The following TTC34 variants were observed in gnomAD, a reference collection of about 807,000 sequenced individuals.
TTC34 encodes tetratricopeptide repeat protein 34.
TTC34 carries 44 observed loss-of-function variants against 40.7 expected under a neutral mutation model. The ratio of observed to expected loss-of-function variants is 1.08; its 90% CI spans 0.85 to 1.39. The LOEUF (loss-of-function observed/expected upper bound fraction) is 1.39. Among genes scored for constraint, TTC34 ranks in the 40% most tolerant of loss-of-function variants. TTC34 has a pLI of 0.00. For synonymous variants in TTC34, 422 were observed against 398.6 expected (o/e 1.06, Z -0.70); for missense variants, 884 against 838.0 (o/e 1.05, Z -0.68).
intron 6 of TTC34, among the ~76,000 whole-genome samples, chr1:2,689,766 GAAACCC>G: frequency 2.7e-5 from 1 of 37,422 alleles, no homozygotes; most frequent in Non-Finnish European, 5.3e-5. Context: ...GCCTGGAACA[GAAACCC>G]CACCCTCAGG....
At chr1:2,676,943 T>G (rs1639925672) in intron 6 of TTC34, among the ~76,000 whole-genome samples, 13 of 148,806 alleles carry the variant, frequency 8.7e-5, no homozygotes, top group Admixed American at 8.6e-4. Context: ...GGTGAGCATC[T>G]GACAGCATGG....
At chr1:2,688,372 C>A (rs1241472380) in intron 6 of TTC34, among the ~76,000 whole-genome samples, 4 of 147,134 alleles carry the variant, frequency 2.7e-5, no homozygotes, top group South Asian at 2.2e-4. Flanking sequence ...ACCCACACGC[C>A]CAGGTGAGCA....
In TTC34 at chr1:2,788,501, C is replaced by G. The variant is rs543493038; in HGVS notation, c.1629-795G>C. 7.2e-5 allele frequency among the ~76,000 whole-genome samples: 11 copies of G among 152,242 alleles called. No individual in the cohort carries two copies. The South Asian group carries it at 1.9e-3, about 26-fold the overall frequency. On this transcript the variant is annotated intron_variant, in intron 3 of 8. Coordinates refer to ENST00000401095, the Ensembl canonical transcript of TTC34. ...CCCTCCAAGAACCGCCCCCACCCCC[C>G]GGACTCAGTGCTTTTAACTTTGCTG...
intron 6 of TTC34, among the ~76,000 whole-genome samples, chr1:2,767,496 T>C (rs1176169165): frequency 2.0e-5 from 3 of 146,474 alleles, no homozygotes; most frequent in Non-Finnish European, 3.0e-5. Context: ...CAGGTGAGGA[T>C]CTGACAGCCT....
chr1:2,800,333 G>A (rs980891934), exon 2 of TTC34: 6 of 398,476 alleles, frequency 1.5e-5, no homozygotes, highest in South Asian at 1.3e-4. Flanking sequence ...CGCTGGAGGC[G>A]AAGGCCTGGA....
chr1:2,655,962 G>T (rs1570762556), intron 6 of TTC34, among the ~76,000 whole-genome samples: 1 of 146,986 alleles, frequency 6.8e-6, no homozygotes, highest in Non-Finnish European at 1.5e-5. Flanking sequence ...ACAACCAGGA[G>T]CAGCACCCAC....
intron 6 of TTC34, among the ~76,000 whole-genome samples, chr1:2,684,911 C>A (rs1476554545): frequency 1.5e-5 from 2 of 130,342 alleles, no homozygotes; most frequent in Non-Finnish European, 3.2e-5. Flanking sequence ...GGAACAGCAC[C>A]CTGCACACCC....
intron 6 of TTC34, among the ~76,000 whole-genome samples, chr1:2,676,928 C>A (rs1639924928): frequency 2.1e-5 from 3 of 145,432 alleles, no homozygotes; most frequent in Admixed American, 6.8e-5. Context: ...GCACCCACAC[C>A]CCCAGGTGAG....
intron 6 of TTC34, among the ~76,000 whole-genome samples, chr1:2,694,947 C>G (rs1391517434): frequency 2.7e-5 from 4 of 149,124 alleles, no homozygotes; most frequent in Non-Finnish European, 6.0e-5. Context: ...GAGCAGCACC[C>G]ACACCCCCAG....
chr1:2,777,558 C>T (rs1189258634), intron 6 of TTC34, among the ~76,000 whole-genome samples: 1 of 152,180 alleles, frequency 6.6e-6, no homozygotes, highest in Non-Finnish European at 1.5e-5. Flanking sequence ...TGTGGTGAAA[C>T]CAAGGCTGAG....
intron 6 of TTC34, among the ~76,000 whole-genome samples, chr1:2,747,711 CCCG>C (rs1569680881): frequency 0.011 from 337 of 32,020 alleles, 1 homozygote; most frequent in African/African-American, 0.047. Flanking sequence ...GGAACAGCAC[CCCG>C]CACCCCCAGG....
At chr1:2,641,066 GGGGAGGGCTGGGAAGGGAGGT>G (rs1638889469) in exon 9 of TTC34, 1 of 148,016 alleles carries the variant, frequency 6.8e-6, no homozygotes. Context: ...AGGGAGGTAT[GGGGAGGGCTGGGAAGGGAGGT>G]ATGGGGAGGG....
intron 6 of TTC34, among the ~76,000 whole-genome samples, chr1:2,656,248 A>ACCCTG (rs1639339881): frequency 6.6e-6 from 1 of 151,710 alleles, no homozygotes; most frequent in African/African-American, 2.4e-5. Flanking sequence ...CTGGAACAGC[A>ACCCTG]CACACACACC....
In TTC34 at chr1:2,645,643, C is replaced by G. The variant is rs1639007911; in HGVS notation, c.2227-80G>C. 1 of 1,341,242 alleles carries G rather than the reference C, an allele frequency of 7.5e-7. No individual in the cohort carries two copies. Among genetic ancestry groups the G allele is most frequent in the African/African-American group, 1.5e-5 (1 of 67,058 alleles). The allele number at this position is 1,341,242 out of a possible 1,614,324, so 83.1% of individuals were successfully genotyped here. ...CAGAGGGTCAGAGTAGGAGGACTGG[C>G]TCTGTCTTTCTCATTCCCTGATCTT... On this transcript the variant is annotated intron_variant, in intron 6 of 8. Transcript: ENST00000401095. The surrounding 1 kb of genome is among the most constrained non-coding windows in gnomAD (Gnocchi z 4.7).
At chr1:2,799,067 AAGCCTCCCAGCCCCCT>A (rs1481776093) in intron 2 of TTC34, among the ~76,000 whole-genome samples, 2 of 36,722 alleles carry the variant, frequency 5.4e-5, no homozygotes, top group African/African-American at 1.2e-4. Context: ...CTCAGCCTCC[AAGCCTCCCAGCCCCCT>A]AGCCTCCCAG....
chr1:2,642,512 C>A (rs549105626), intron 8 of TTC34, among the ~76,000 whole-genome samples: 4 of 152,206 alleles, frequency 2.6e-5, no homozygotes, highest in Non-Finnish European at 2.9e-5. Context: ...CTGCCCCCCC[C>A]ACTCCTCCCG....
At chr1:2,787,611 C>A (rs989658488) in exon 4 of TTC34, 24 of 1,549,600 alleles carry the variant, frequency 1.5e-5, no homozygotes, top group Admixed American at 7.8e-5. Flanking sequence ...GCGGCCCAGG[C>A]GGTACAGGGC....
At chr1:2,748,474 C>A (rs1641217459) in intron 6 of TTC34, among the ~76,000 whole-genome samples, 1 of 5,438 alleles carries the variant, frequency 1.8e-4, no homozygotes, top group African/African-American at 6.8e-4. Context: ...GGAAGAGCAC[C>A]CCACATCCCC....
At chr1:2,755,766 C>CTAGG (rs1641483688) in intron 6 of TTC34, among the ~76,000 whole-genome samples, 1 of 130,704 alleles carries the variant, frequency 7.7e-6, no homozygotes, top group African/African-American at 3.1e-5. Flanking sequence ...ATCTGACAGC[C>CTAGG]TGGAACGGCA....
Sources: allele counts gnomAD v4.1 joint callset (sites outside exome capture counted in the v4.1 genomes callset), GRCh38; gene constraint gnomAD v4.1.1; non-coding constraint Gnocchi (gnomAD v3.1); transcripts MANE v1.5; gene names NCBI Gene and HGNC (gene_info 2026-07-23, HGNC 2026-07-21).